SLC6A16: variants seen among roughly 807,000 people sequenced by gnomAD.
SLC6A16 encodes solute carrier family 6 member 16.
In SLC6A16, 54 loss-of-function variants were observed where a neutral mutation model predicts 65.4. That is an observed-to-expected ratio of 0.83 (90% CI 0.66 to 1.04). SLC6A16 has a LOEUF of 1.04. SLC6A16 is among the 50% of genes least tolerant of loss of function. The pLI is 0.00. For missense variants in SLC6A16, 816 were observed against 914.0 expected (o/e 0.89, Z 1.38); for synonymous variants, 330 against 346.5 (o/e 0.95, Z 0.53).
Position 49,290,000 on chromosome 19 carries a change from C to T in SLC6A16, c.*123G>A. On this transcript the variant is annotated 3_prime_UTR_variant, in exon 12 of 12. Coordinates refer to ENST00000335875, the MANE Select transcript of SLC6A16 (RefSeq NM_014037.3). The stretch of plus-strand genomic sequence containing the variant: ...GCCCCATGAACACCCCCAAAGAATG[C>T]CCCTCCTCTTGGAAATAAAAGTGGT... The T allele has an allele frequency of 5.0e-6, 5 of 1,007,312 alleles. No individual in the cohort carries two copies. The highest frequency in any genetic ancestry group is 7.2e-6 in the Non-Finnish European group (5 of 689,958). 62.4% of individuals were successfully genotyped at this position (1,007,312 alleles called of 1,614,324 possible). A position where few individuals can be genotyped will look rare whatever the true frequency, so the allele number is the denominator to read the frequency against.
the SLC6A16 span, among the ~76,000 whole-genome samples, chr19:49,334,393 C>A: frequency 1.3e-5 from 2 of 150,542 alleles, no homozygotes; most frequent in Non-Finnish European, 3.0e-5. Context: ...GGCTGAGGTG[C>A]AAGGATTGCT....
chr19:49,309,294 A>G lies in SLC6A16; in HGVS notation c.987+7T>C. 2 of 1,606,902 alleles carry G rather than the reference A, an allele frequency of 1.2e-6. No homozygotes were observed. On this transcript the variant is annotated splice_region_variant and intron_variant, in intron 6 of 11. Coordinates refer to ENST00000335875, the MANE Select transcript of SLC6A16 (RefSeq NM_014037.3). ...GCCTGACGGGGGAGTGAGGAGATAG[A>G]TTTCACCTTGGCAACCACCAACTGT...
At chr19:49,300,520 A>T (rs1970268918) in intron 7 of SLC6A16, among the ~76,000 whole-genome samples, 1 of 152,192 alleles carries the variant, frequency 6.6e-6, no homozygotes, top group Non-Finnish European at 1.5e-5. Flanking sequence ...GAAAGAACAG[A>T]AAACAGAGTG....
chr19:49,333,928 C>T, the SLC6A16 span, among the ~76,000 whole-genome samples: 973 of 152,352 alleles, frequency 6.4e-3, 9 homozygotes, highest in African/African-American at 0.022. Flanking sequence ...GGATCCCAGG[C>T]TCAGTGCCTC....
chr19:49,308,992 G>A lies in SLC6A16; in HGVS notation c.1113C>T (p.Leu371=). 1 of 1,614,230 alleles carries A rather than the reference G, an allele frequency of 6.2e-7. No homozygotes were observed. The highest frequency in any genetic ancestry group is 8.5e-7 in the Non-Finnish European group (1 of 1,180,048). ...ASYMPQSNNC[L]SDAFLVSVIN... is the part of the protein sequence containing the mutation. ...TCACAGACACGAGAAAGGCATCACT[G>A]AGACAGTTGTTGGACTGGGGCATGT... is the stretch of plus-strand genomic sequence containing the variant. Residue 371 remains leucine (L), a synonymous_variant, in exon 7 of 12, where the codon CTC becomes CTT. Transcript: ENST00000335875.
chr19:49,338,810 G>A, the SLC6A16 span: 3 of 1,613,826 alleles, frequency 1.9e-6, no homozygotes, highest in Admixed American at 3.3e-5. The surrounding 1 kb of genome is among the most constrained non-coding windows in gnomAD (Gnocchi z 5.0). Context: ...ACTTGTCGGC[G>A]ACCAACGACT....
At chr19:49,332,136 T>G in the SLC6A16 span, 6 of 456,730 alleles carry the variant, frequency 1.3e-5, no homozygotes, top group South Asian at 9.3e-5. Flanking sequence ...AAATCAGTTC[T>G]TTGCATCTTC....
At chr19:49,313,594 A>T (rs1970564171) in intron 1 of SLC6A16, among the ~76,000 whole-genome samples, 1 of 150,144 alleles carries the variant, frequency 6.7e-6, no homozygotes, top group South Asian at 2.1e-4. Flanking sequence ...AGCCTGGCCA[A>T]CATGGCAAAA....
At chr19:49,333,162 AAAAC>A in the SLC6A16 span, among the ~76,000 whole-genome samples, 3 of 151,892 alleles carry the variant, frequency 2.0e-5, no homozygotes, top group South Asian at 2.1e-4. Flanking sequence ...ACTCCATCTC[AAAAC>A]AAACAAACAA....
At chr19:49,340,241 T>C in the SLC6A16 span, 3 of 1,611,278 alleles carry the variant, frequency 1.9e-6, no homozygotes, top group Non-Finnish European at 2.5e-6. Context: ...CTCATCTCCT[T>C]TCTCTATAGC....
chr19:49,319,490 CTT>C (rs1970673219), intron 1 of SLC6A16, among the ~76,000 whole-genome samples: 4 of 149,914 alleles, frequency 2.7e-5, no homozygotes, highest in Admixed American at 6.7e-5. Context: ...TATACATATA[CTT>C]ATACATATAT....
intron 7 of SLC6A16, among the ~76,000 whole-genome samples, chr19:49,295,347 T>C (rs1002658802): frequency 6.7e-6 from 1 of 149,462 alleles, no homozygotes; most frequent in African/African-American, 2.5e-5. Flanking sequence ...ACCACTGCCC[T>C]CCAGCCTGGG....
At chr19:49,328,832 C>A (rs934232774), upstream of SLC6A16, among the ~76,000 whole-genome samples, 9 of 152,136 alleles carry the variant, frequency 5.9e-5, no homozygotes, top group African/African-American at 2.2e-4. Context: ...GTAAAGGAAG[C>A]CAGTCACCAT....
Position 49,325,126 on chromosome 19 carries a change from A to T in SLC6A16, c.-143T>A. The T allele has an allele frequency of 2.0e-6, 2 of 985,548 alleles. No homozygotes were observed. The highest frequency in any genetic ancestry group is 2.4e-6 in the Non-Finnish European group (2 of 830,008). 61.1% of individuals were successfully genotyped at this position (985,548 alleles called of 1,614,324 possible). On this transcript the variant is annotated 5_prime_UTR_variant, in exon 1 of 12. Transcript: ENST00000335875. ...GAGGGTGAAGAAGCCCCAGCTGAGA[A>T]GCCTAGCAATCTCCTCAGGCCCCTT... is the stretch of plus-strand genomic sequence containing the variant.
At position 49,313,099 on chromosome 19, in the gene SLC6A16, G is replaced by A. The variant is rs114188405; in HGVS notation, c.-64-1688C>T. Among the ~76,000 whole-genome samples the A allele has an allele frequency of 3.5e-3, 454 of 130,806 alleles. 4 individuals carry two copies. The highest frequency in any genetic ancestry group is 0.016 in the African/African-American group (425 of 26,148). The allele number at this position is 130,806 out of a possible 152,430, so 85.8% of individuals were successfully genotyped here. A position where few individuals can be genotyped will look rare whatever the true frequency, so the allele number is the denominator to read the frequency against. ...AAAAAAAAAAAAAAAAAAAAAAGAC[G>A]ATGATGGCTACAAATATGTTTATAT... On this transcript the variant is annotated intron_variant, in intron 1 of 11. Coordinates refer to ENST00000335875, the MANE Select transcript of SLC6A16 (RefSeq NM_014037.3).
At chr19:49,311,681 T>G (rs921063891) in intron 1 of SLC6A16, among the ~76,000 whole-genome samples, 28 of 151,592 alleles carry the variant, frequency 1.8e-4, no homozygotes, top group African/African-American at 6.3e-4. Context: ...AAACCCCGTC[T>G]CTACTAAAAA....
At chr19:49,339,406 T>G in the SLC6A16 span, 1 of 1,613,754 alleles carries the variant, frequency 6.2e-7, no homozygotes, top group Non-Finnish European at 8.5e-7. This position sits in a 1 kb window ranked among gnomAD's most constrained non-coding sequence, Gnocchi z 4.5. Context: ...GGCGTCGGCC[T>G]ACTCGAGGTG....
intron 1 of SLC6A16, among the ~76,000 whole-genome samples, chr19:49,316,207 C>A (rs896747608): frequency 1.3e-5 from 2 of 151,854 alleles, no homozygotes; most frequent in African/African-American, 2.4e-5. Flanking sequence ...AGAGTAAAAT[C>A]CTGGGAAGGT....
At chr19:49,336,807 C>A in the SLC6A16 span, 2 of 1,241,220 alleles carry the variant, frequency 1.6e-6, no homozygotes, top group East Asian at 2.3e-5. Flanking sequence ...GAGAGAGGGG[C>A]ACCAAGATAC....
Sources: gnomAD v4.1 joint callset for allele counts (sites outside exome capture counted in the v4.1 genomes callset) on GRCh38, gnomAD v4.1.1 for gene constraint, Gnocchi (gnomAD v3.1) non-coding constraint, MANE v1.5 for transcripts, NCBI Gene and HGNC (gene_info 2026-07-23, HGNC 2026-07-21) for gene names.